Variants in FANK1 observed in about 807,000 individuals in gnomAD.
The protein encoded by FANK1 is fibronectin type III and ankyrin repeat domains 1, also known as fibronectin type 3 and ankyrin repeat domains protein 1.
In FANK1, 44 loss-of-function variants were observed where a neutral mutation model predicts 45.3. The observed-to-expected ratio is 0.97, with a 90% CI of 0.76 to 1.25. The LOEUF is 1.25. Among genes scored for constraint, FANK1 ranks in the 50% most tolerant of loss-of-function variants. The probability of loss-of-function intolerance (pLI) is 0.00; values close to 1 mark genes in which losing one functional copy is unlikely to be tolerated. For synonymous variants in FANK1, 149 were observed against 152.5 expected (o/e 0.98, Z 0.17); for missense variants, 391 against 424.4 (o/e 0.92, Z 0.69).
rs140634850 is a variant in FANK1 at position 125,997,418 on chromosome 10, A to G, written c.474-2A>G. On this transcript the variant is annotated splice_acceptor_variant, in intron 5 of 10. Transcript: ENST00000368693. LOFTEE classifies it high-confidence loss of function. ...AGCTACACTTAAGTTTGTTTCCTTT[A>G]GGCTTGTGAAAATCCTAGTTTCTAA... The G allele has an allele frequency of 1.9e-3, 3,085 of 1,613,724 alleles. 5 individuals are homozygous for G. The highest frequency in any genetic ancestry group is 2.3e-3 in the Non-Finnish European group (2,690 of 1,179,766).
At chr10:125,912,348 T>C (rs1453624587) in intron 1 of FANK1, among the ~76,000 whole-genome samples, 2 of 152,132 alleles carry the variant, frequency 1.3e-5, no homozygotes, top group Non-Finnish European at 2.9e-5. Context: ...AAATAACATA[T>C]ATCTACCCCC....
intron 3 of FANK1, among the ~76,000 whole-genome samples, chr10:125,992,699 T>G (rs929623938): frequency 4.6e-5 from 7 of 152,064 alleles, no homozygotes; most frequent in Non-Finnish European, 4.4e-5. Context: ...CTGGTTAGGA[T>G]GCGCTAGGAA....
At chr10:125,907,518 G>T (rs1160416516) in intron 1 of FANK1, 12 of 985,146 alleles carry the variant, frequency 1.2e-5, no homozygotes, top group Non-Finnish European at 6.0e-6. Context: ...TAGGATCTGT[G>T]ACTTGTTTCT....
chr10:125,905,378 A>G (rs1226005506), intron 1 of FANK1, among the ~76,000 whole-genome samples: 11 of 151,772 alleles, frequency 7.2e-5, no homozygotes, highest in African/African-American at 2.7e-4. Context: ...TGAAGCCATC[A>G]GGAACTGGGA....
intron 1 of FANK1, among the ~76,000 whole-genome samples, chr10:125,970,590 A>T (rs1031426685): frequency 1.3e-5 from 2 of 152,212 alleles, no homozygotes; most frequent in African/African-American, 2.4e-5. Flanking sequence ...AGGTGGGCAG[A>T]TCACTCGAGG....
intron 1 of FANK1, among the ~76,000 whole-genome samples, chr10:125,956,214 G>T (rs11244720): frequency 7.8e-6 from 1 of 128,744 alleles, no homozygotes; most frequent in Non-Finnish European, 1.7e-5. Context: ...GGGGGGGGGC[G>T]GTGGTGGGGG....
intron 6 of FANK1, among the ~76,000 whole-genome samples, chr10:126,003,834 C>T (rs1347176028): frequency 6.6e-6 from 1 of 151,972 alleles, no homozygotes; most frequent in East Asian, 1.9e-4. Context: ...TGCCACCACT[C>T]CCAGCTAATT....
chr10:125,967,153 C>G (rs891321118), intron 1 of FANK1, among the ~76,000 whole-genome samples: 1 of 152,100 alleles, frequency 6.6e-6, no homozygotes, highest in Non-Finnish European at 1.5e-5. Context: ...AAGTGTTCCT[C>G]TCTGGTTTTT....
chr10:125,966,391 C>G (rs535886057), intron 1 of FANK1, among the ~76,000 whole-genome samples: 6 of 152,226 alleles, frequency 3.9e-5, no homozygotes, highest in African/African-American at 1.4e-4. Flanking sequence ...TATATGTAAA[C>G]TATATGCATT....
intron 1 of FANK1, among the ~76,000 whole-genome samples, chr10:125,945,674 A>G (rs997922883): frequency 6.6e-6 from 1 of 152,164 alleles, no homozygotes; most frequent in African/African-American, 2.4e-5. Flanking sequence ...AGGCTGGGGG[A>G]GGGGTGCCTG....
intron 1 of FANK1, among the ~76,000 whole-genome samples, chr10:125,940,537 C>T (rs575022426): frequency 3.3e-5 from 5 of 152,284 alleles, no homozygotes; most frequent in South Asian, 2.1e-4. Flanking sequence ...AACAAATGTA[C>T]GATCGGATTT....
At chr10:125,925,224 T>G (rs1261913652) in intron 1 of FANK1, among the ~76,000 whole-genome samples, 2 of 152,270 alleles carry the variant, frequency 1.3e-5, no homozygotes, top group Non-Finnish European at 2.9e-5. Flanking sequence ...TGTCTCCTCA[T>G]CTGTCAACTT....
intron 1 of FANK1, among the ~76,000 whole-genome samples, chr10:125,908,116 C>A (rs1217842320): frequency 6.6e-6 from 1 of 151,810 alleles, no homozygotes; most frequent in Non-Finnish European, 1.5e-5. Context: ...CCTGCCTCAG[C>A]CTCCCAGGTA....
chr10:125,988,642 G>A lies in FANK1; in HGVS notation c.283G>A (p.Glu95Lys). 1 of 1,614,178 alleles carries A rather than the reference G, an allele frequency of 6.2e-7. No individual in the cohort carries two copies. Among genetic ancestry groups the A allele is most frequent in the South Asian group, 1.1e-5 (1 of 91,080 alleles). ...LKVTSPSGEC[E>K]YSPLVSVSTT... Reference sequence around the variant, plus strand: ...GGTCACCAGCCCCTCTGGGGAGTGTGAGTACAGCCCACTCGTCTCAGTGTC... The same window carrying A: ...GGTCACCAGCCCCTCTGGGGAGTGTAAGTACAGCCCACTCGTCTCAGTGTC... Residue 95 changes from glutamate (E) to lysine (K), a missense_variant, in exon 3 of 11, where the codon GAG becomes AAG. Glu to Lys is a moderately conservative substitution (Grantham distance 56, BLOSUM62 1). Coordinates refer to ENST00000368693, the MANE Select transcript of FANK1 (RefSeq NM_145235.5).
chr10:126,005,182 G>T, intron 7 of FANK1, 133 bp downstream of exon 7: 1 of 981,106 alleles, frequency 1.0e-6, no homozygotes. Context: ...GACTTAGCAA[G>T]AAAGCCCCTG....
intron 3 of FANK1, among the ~76,000 whole-genome samples, chr10:125,992,352 T>C (rs1156474261): frequency 6.6e-6 from 1 of 152,212 alleles, no homozygotes; most frequent in Non-Finnish European, 1.5e-5. Flanking sequence ...CAGGTTTCAG[T>C]GTAATCCTCA....
chr10:125,991,478 C>T (rs565366583), intron 3 of FANK1, among the ~76,000 whole-genome samples: 225 of 152,162 alleles, frequency 1.5e-3, no homozygotes, highest in African/African-American at 5.2e-3. Context: ...TTATAATATC[C>T]AAAGCAGATT....
At chr10:125,968,599 G>A (rs1173105478) in intron 1 of FANK1, among the ~76,000 whole-genome samples, 2 of 152,060 alleles carry the variant, frequency 1.3e-5, no homozygotes, top group Non-Finnish European at 2.9e-5. Context: ...TTCCAATACA[G>A]TGTATGATCA....
intron 1 of FANK1, among the ~76,000 whole-genome samples, chr10:125,923,836 A>G (rs1466551636): frequency 2.6e-5 from 4 of 152,162 alleles, no homozygotes; most frequent in Admixed American, 2.6e-4. Flanking sequence ...CCTGCAAGTT[A>G]TGACTTCCTT....
Sources: gnomAD v4.1 joint callset for allele counts (sites outside exome capture counted in the v4.1 genomes callset) on GRCh38, gnomAD v4.1.1 for gene constraint, MANE v1.5 for transcripts, NCBI Gene and HGNC (gene_info 2026-07-23, HGNC 2026-07-21) for gene names.